Variants in NOS1 observed in about 807,000 individuals in gnomAD.
NOS1 encodes nitric oxide synthase 1, also known as NOS type I.
A neutral mutation model predicts 164.5 loss-of-function variants in NOS1; 51 were observed. The observed-to-expected ratio is 0.31, with a 90% CI of 0.25 to 0.39. NOS1 has a LOEUF of 0.39. Among genes scored for constraint, NOS1 ranks in the 10% least tolerant of loss-of-function variants. NOS1 has a pLI of 1.00. For missense variants in NOS1, 1,362 were observed against 1,885.6 expected (o/e 0.72, Z 5.14); for synonymous variants, 719 against 745.8 (o/e 0.96, Z 0.59).
chr12:117,224,635 C>T (rs1390817688), intron 25 of NOS1, among the ~76,000 whole-genome samples: 1 of 152,216 alleles, frequency 6.6e-6, no homozygotes, highest in Non-Finnish European at 1.5e-5. Context: ...TTCTCTCTCT[C>T]TCCTCCCAAA....
intron 3 of NOS1, among the ~76,000 whole-genome samples, chr12:117,306,856 G>C (rs747651161): frequency 1.3e-5 from 2 of 152,170 alleles, no homozygotes; most frequent in Non-Finnish European, 2.9e-5. Flanking sequence ...CTGACCTCAG[G>C]GGATCTTCCC....
At chr12:117,239,896 C>A (rs1426372809) in intron 20 of NOS1, among the ~76,000 whole-genome samples, 2 of 149,492 alleles carry the variant, frequency 1.3e-5, no homozygotes, top group African/African-American at 5.0e-5. Flanking sequence ...CAGTTCTAAC[C>A]TTGTTTGGAA....
intron 22 of NOS1, among the ~76,000 whole-genome samples, chr12:117,231,321 G>GA (rs923100361): frequency 1.9e-4 from 28 of 146,774 alleles, no homozygotes; most frequent in South Asian, 2.2e-4. Flanking sequence ...CTGTCTCAGA[G>GA]AAAAAAAAAA....
chr12:117,303,115 G>C (rs1468546397), intron 3 of NOS1, among the ~76,000 whole-genome samples: 1 of 152,130 alleles, frequency 6.6e-6, no homozygotes, highest in African/African-American at 2.4e-5. Context: ...TGGTGAGCAT[G>C]CTAGGTTGTC....
At chr12:117,276,874 A>G (rs1029249345) in intron 9 of NOS1, among the ~76,000 whole-genome samples, 1 of 152,170 alleles carries the variant, frequency 6.6e-6, no homozygotes, top group East Asian at 1.9e-4. Context: ...TTCTTTATCT[A>G]TTCATCTGTT....
At chr12:117,318,277 T>A (rs1320999843) in intron 2 of NOS1, among the ~76,000 whole-genome samples, 1 of 152,050 alleles carries the variant, frequency 6.6e-6, no homozygotes, top group Non-Finnish European at 1.5e-5. Context: ...CCCCAGGTGG[T>A]CCATGGACAC....
At chr12:117,289,849 T>C (rs1396121665) in intron 4 of NOS1, among the ~76,000 whole-genome samples, 1 of 152,188 alleles carries the variant, frequency 6.6e-6, no homozygotes, top group African/African-American at 2.4e-5. Flanking sequence ...TCCCTATCTT[T>C]GTGCATCTAA....
chr12:117,346,526 G>A (rs1198697847), intron 1 of NOS1, among the ~76,000 whole-genome samples: 2 of 152,166 alleles, frequency 1.3e-5, no homozygotes, highest in East Asian at 3.9e-4. Flanking sequence ...ACAATGTGGG[G>A]TGGGTCTTAA....
chr12:117,274,756 A>G (rs1222338731), intron 9 of NOS1, among the ~76,000 whole-genome samples: 1 of 121,778 alleles, frequency 8.2e-6, no homozygotes, highest in Non-Finnish European at 1.6e-5. Context: ...GGCTGGAGTG[A>G]CACTCCGTCT....
rs1375665915 is a variant in NOS1, at chr12:117,210,873, G to T, written c.*4436C>A. On this transcript the variant is annotated 3_prime_UTR_variant, in exon 29 of 29. Coordinates refer to ENST00000317775, the MANE Select transcript of NOS1 (RefSeq NM_000620.5). ...TCCAGAGAAGCTGACTATCACATCAGCTCTGAAAACTCATCTTTTCCCTGA... is the reference window on the plus strand; with the variant it reads ...TCCAGAGAAGCTGACTATCACATCATCTCTGAAAACTCATCTTTTCCCTGA... 1 of 985,280 alleles carries T rather than the reference G, an allele frequency of 1.0e-6. No individual in the cohort carries two copies. The highest frequency in any genetic ancestry group is 1.2e-6 in the Non-Finnish European group (1 of 829,948). 61.0% of individuals were successfully genotyped at this position (985,280 alleles called of 1,614,324 possible).
intron 2 of NOS1, among the ~76,000 whole-genome samples, chr12:117,323,127 C>T (rs893642145): frequency 2.0e-5 from 3 of 152,150 alleles, no homozygotes; most frequent in East Asian, 3.9e-4. Flanking sequence ...TGGGATAAGC[C>T]TGCCCGCCCA....
Position 117,330,627 on chromosome 12 carries a change from G to T in NOS1, c.443C>A (p.Ala148Glu), listed in dbSNP as rs770811286. Residue 148 changes from alanine (A) to glutamate (E), a missense_variant, in exon 2 of 29, where the codon GCA becomes GAA. Transcript: ENST00000317775. This position sits in a 1 kb window ranked among gnomAD's most constrained non-coding sequence, Gnocchi z 4.6. Reference sequence around the variant, plus strand: ...CCCGGGACCCGAGGCCCCATCCACTGCCAGGGGCTGTTCTTTGCCGGCCGG... The same window carrying T: ...CCCGGGACCCGAGGCCCCATCCACTTCCAGGGGCTGTTCTTTGCCGGCCGG... ...QPPAGKEQPL[A>E]VDGASGPGNG... is the part of the protein sequence containing the mutation. 5 of 1,611,898 alleles carry T rather than the reference G, an allele frequency of 3.1e-6. No homozygotes were observed. Among genetic ancestry groups the T allele is most frequent in the Admixed American group, 3.3e-5 (2 of 59,966 alleles).
At chr12:117,305,445 CTGAG>C (rs1261164772) in intron 3 of NOS1, among the ~76,000 whole-genome samples, 4 of 146,164 alleles carry the variant, frequency 2.7e-5, no homozygotes, top group African/African-American at 1.0e-4. Flanking sequence ...GCCTGGGCGA[CTGAG>C]TGAGACTCCA....
intron 8 of NOS1, 40 bp from the exon 9 acceptor site, chr12:117,278,138 C>T (rs1170902170): frequency 1.9e-6 from 3 of 1,581,940 alleles, no homozygotes; most frequent in East Asian, 2.3e-5. Flanking sequence ...CTGTACCCCA[C>T]ACCCTACAAA....
rs1254304272 is a variant in NOS1 at position 117,209,362 on chromosome 12, A to G, written c.*5947T>C. On this transcript the variant is annotated 3_prime_UTR_variant, in exon 29 of 29. Transcript: ENST00000317775. Reference sequence around the variant, plus strand: ...AGTACCCAAGACGGCCCCCACAAGAAAGAATTACCCAGCCCCAAATGCCAA... The same window carrying G: ...AGTACCCAAGACGGCCCCCACAAGAGAGAATTACCCAGCCCCAAATGCCAA... 3 of 982,578 alleles carry G rather than the reference A, an allele frequency of 3.1e-6. No individual in the cohort carries two copies. Among genetic ancestry groups the G allele is most frequent in the Non-Finnish European group, 3.6e-6 (3 of 827,316 alleles). 60.9% of individuals were successfully genotyped at this position (982,578 alleles called of 1,614,324 possible).
chr12:117,297,854 T>C (rs1288787254), intron 3 of NOS1, among the ~76,000 whole-genome samples: 2 of 152,012 alleles, frequency 1.3e-5, no homozygotes, highest in Non-Finnish European at 2.9e-5. Context: ...TGGCTGTCAC[T>C]GTCACGAGCC....
At chr12:117,264,839 C>T (rs1872255949) in intron 12 of NOS1, among the ~76,000 whole-genome samples, 1 of 151,712 alleles carries the variant, frequency 6.6e-6, no homozygotes, top group Non-Finnish European at 1.5e-5. Flanking sequence ...CTTATCTTGG[C>T]CTCTTGAGCA....
chr12:117,213,585 G>T lies in NOS1; in HGVS notation c.*1724C>A. 4 of 985,410 alleles carry T rather than the reference G, an allele frequency of 4.1e-6. No homozygotes were observed. Among genetic ancestry groups the T allele is most frequent in the Non-Finnish European group, 3.6e-6 (3 of 829,928 alleles). The allele number at this position is 985,410 out of a possible 1,614,324, so 61.0% of individuals were successfully genotyped here. A position where few individuals can be genotyped will look rare whatever the true frequency, so the allele number is the denominator to read the frequency against. The stretch of plus-strand genomic sequence containing the variant: ...CCTGGCCTGGGCCCTTTGGGGTCTT[G>T]GTGCCCCCACTGTAAAGCCCTTTCA... On this transcript the variant is annotated 3_prime_UTR_variant, in exon 29 of 29. Transcript: ENST00000317775.
chr12:117,234,841 G>T lies in NOS1; in HGVS notation c.3042-83C>A. The stretch of plus-strand genomic sequence containing the variant: ...TTTGCTCTTCTGTCTGTCCTTGTTG[G>T]CTGCAATTCTCCTCCTTCCATTCTT... On this transcript the variant is annotated intron_variant, in intron 20 of 28. Coordinates refer to ENST00000317775, the MANE Select transcript of NOS1 (RefSeq NM_000620.5). This position sits in a 1 kb window ranked among gnomAD's most constrained non-coding sequence, Gnocchi z 4.3. The T allele has an allele frequency of 1.7e-6, 2 of 1,190,642 alleles. No individual in the cohort carries two copies. The highest frequency in any genetic ancestry group is 3.1e-5 in the South Asian group (2 of 64,484). 73.8% of individuals were successfully genotyped at this position (1,190,642 alleles called of 1,614,324 possible).
Sources: allele counts gnomAD v4.1 joint callset (sites outside exome capture counted in the v4.1 genomes callset), GRCh38; gene constraint gnomAD v4.1.1; non-coding constraint Gnocchi (gnomAD v3.1); transcripts MANE v1.5; gene names NCBI Gene and HGNC (gene_info 2026-07-23, HGNC 2026-07-21).